The following HECTD4 variants were observed in gnomAD, a reference collection of about 807,000 sequenced individuals.
HECTD4 encodes probable E3 ubiquitin-protein ligase HECTD4.
In HECTD4, 114 loss-of-function variants were observed where a neutral mutation model predicts 471.5. The ratio of observed to expected loss-of-function variants is 0.24; its 90% confidence interval spans 0.21 to 0.28. HECTD4 has a LOEUF of 0.28. Ranked by LOEUF, HECTD4 falls within the 10% of genes least tolerant of loss-of-function variation. The probability of loss-of-function intolerance (pLI) is 1.00; values close to 1 mark genes in which losing one functional copy is unlikely to be tolerated. For synonymous variants in HECTD4, 2,012 were observed against 2,256.0 expected, an observed-to-expected ratio of 0.89 and a Z score of 3.07; for missense variants, 3,866 against 5,651.5, an observed-to-expected ratio of 0.68 and a Z score of 10.13.
At chr12:112,178,708 T>C (rs1041326049) in intron 64 of HECTD4, among the ~76,000 whole-genome samples, 2 of 152,224 alleles carry the variant, frequency 1.3e-5, no homozygotes, top group Non-Finnish European at 1.5e-5. Flanking sequence ...GTCATGTGCC[T>C]GTAGTCCCAG....
chr12:112,347,309 A>G (rs2036172108), intron 1 of HECTD4, among the ~76,000 whole-genome samples: 1 of 152,156 alleles, frequency 6.6e-6, no homozygotes, highest in African/African-American at 2.4e-5. Context: ...CGGGAGTTCA[A>G]GACCAGCCTG....
chr12:112,340,267 G>A (rs943731054), intron 1 of HECTD4, among the ~76,000 whole-genome samples: 11 of 152,190 alleles, frequency 7.2e-5, no homozygotes, highest in African/African-American at 2.4e-4. Context: ...TAGAGATGTG[G>A]CTCTATCACT....
chr12:112,205,213 A>C (rs956532594), intron 52 of HECTD4, among the ~76,000 whole-genome samples: 1 of 151,628 alleles, frequency 6.6e-6, no homozygotes, highest in African/African-American at 2.4e-5. Context: ...AGGTGGGTGG[A>C]TCACCTGAGG....
At chr12:112,374,254 A>G (rs1594085321) in intron 1 of HECTD4, among the ~76,000 whole-genome samples, 1 of 152,166 alleles carries the variant, frequency 6.6e-6, no homozygotes, top group Admixed American at 6.6e-5. Flanking sequence ...AAAGCACAGG[A>G]GTGTGAGGCT....
chr12:112,167,078 AG>A, intron 72 of HECTD4: 1 of 419,934 alleles, frequency 2.4e-6, no homozygotes, highest in South Asian at 5.0e-5. Flanking sequence ...CCAATGTGGG[AG>A]GGGAGGGCCA....
In HECTD4 at chr12:112,256,454, C is replaced by A. The variant is rs2034011307; in HGVS notation, c.3193G>T (p.Ala1065Ser). Residue 1065 changes from alanine (A) to serine (S), a missense_variant, in exon 21 of 76, where the codon GCT becomes TCT. Physicochemically the swap from Ala to Ser is moderately conservative, Grantham distance 99. Coordinates refer to ENST00000682272, the MANE Select transcript of HECTD4 (RefSeq NM_001388303.1). The stretch of plus-strand genomic sequence containing the variant: ...TGGACTGTTTCCACAGTCTTTCCAG[C>A]AGCCCATGGGGCAGGAATCTTTAAA... ...TGLKIPAPWAAGKTVETVHPV... is the reference protein window; with the variant it reads ...TGLKIPAPWASGKTVETVHPV... 2 of 1,611,734 alleles carry A rather than the reference C, an allele frequency of 1.2e-6. No individual in the cohort carries two copies. The highest frequency in any genetic ancestry group is 1.7e-5 in the Admixed American group (1 of 59,722).
intron 54 of HECTD4, chr12:112,203,056 TCCTCCCACCTTAG>T (rs2032473494): frequency 6.6e-6 from 1 of 152,120 alleles, no homozygotes; most frequent in Admixed American, 6.6e-5. Flanking sequence ...GCTGAAACGA[TCCTCCCACCTTAG>T]CCTCCCACAT....
chr12:112,202,795 C>T (rs1206340380), intron 54 of HECTD4, among the ~76,000 whole-genome samples: 2 of 152,154 alleles, frequency 1.3e-5, no homozygotes, highest in African/African-American at 2.4e-5. Flanking sequence ...TCTCACTCTG[C>T]CCCCTTCCCG....
intron 2 of HECTD4, among the ~76,000 whole-genome samples, chr12:112,318,120 CA>C (rs372211738): frequency 6.6e-6 from 1 of 151,606 alleles, no homozygotes. Flanking sequence ...ACTAAAAATA[CA>C]AAAAAATTAG....
In HECTD4 at chr12:112,188,951, C is replaced by G. The variant is rs2137034360; in HGVS notation, c.9472+1835G>C. On this transcript the variant is annotated intron_variant, in intron 60 of 75. Coordinates refer to ENST00000682272, the MANE Select transcript of HECTD4 (RefSeq NM_001388303.1). The surrounding 1 kb of genome is among the most constrained non-coding windows in gnomAD (Gnocchi z 4.2). ...AGACGACCTTGGAGAGAATTCTTCA[C>G]CAAAATTGCACATGACGGCCTATGC... Among the ~76,000 whole-genome samples, 1 of 152,344 alleles carries G rather than the reference C, an allele frequency of 6.6e-6. No homozygotes were observed. Among genetic ancestry groups the G allele is most frequent in the East Asian group, 1.9e-4 (1 of 5,184 alleles).
chr12:112,182,107 T>C (rs1397255248), intron 62 of HECTD4, among the ~76,000 whole-genome samples: 1 of 151,118 alleles, frequency 6.6e-6, no homozygotes, highest in East Asian at 1.9e-4. Flanking sequence ...AAAAAAAGAT[T>C]ACAATTTTAT....
chr12:112,283,039 AAGTGCTC>A, intron 8 of HECTD4, 64 bp downstream of exon 8: 1 of 1,259,414 alleles, frequency 7.9e-7, no homozygotes, highest in Non-Finnish European at 1.1e-6. Flanking sequence ...AGCACGGACG[AAGTGCTC>A]AATAAGACGT....
chr12:112,246,749 C>T (rs1300772927), intron 29 of HECTD4, among the ~76,000 whole-genome samples, 152 bp downstream of exon 29: 5 of 152,108 alleles, frequency 3.3e-5, no homozygotes, highest in Non-Finnish European at 5.9e-5. Context: ...AAGTATAAGG[C>T]AAAATTAAAT....
At chr12:112,182,503 C>T (rs1055626812) in intron 62 of HECTD4, among the ~76,000 whole-genome samples, 2 of 152,080 alleles carry the variant, frequency 1.3e-5, no homozygotes, top group Non-Finnish European at 2.9e-5. Flanking sequence ...CTGTTTCTTT[C>T]CCAGGAGTCA....
In HECTD4 at chr12:112,319,610, G is replaced by C; in HGVS notation, c.310C>G (p.Gln104Glu). The change falls in exon 2 of 76, where the codon CAG becomes GAG. Residue 104 changes from glutamine to glutamate, a missense_variant. Transcript: ENST00000682272. The surrounding 1 kb of genome is among the most constrained non-coding windows in gnomAD (Gnocchi z 5.3). ...LNALRGLWNAQRQLALEEQHE... is the reference protein window; with the variant it reads ...LNALRGLWNAERQLALEEQHE... ...TGTTCTTCTAAGGCCAGCTGGCGCT[G>C]GGCATTCCACAGTCCTCGCAAGGCA... is the stretch of plus-strand genomic sequence containing the variant. 1 of 1,420,320 alleles carries C rather than the reference G, an allele frequency of 7.0e-7. No homozygotes were observed. The highest frequency in any genetic ancestry group is 9.2e-7 in the Non-Finnish European group (1 of 1,091,706). The allele number at this position is 1,420,320 out of a possible 1,614,324, so 88.0% of individuals were successfully genotyped here. A position where few individuals can be genotyped will look rare whatever the true frequency, so the allele number is the denominator to read the frequency against.
intron 1 of HECTD4, among the ~76,000 whole-genome samples, chr12:112,374,590 T>A (rs1484933758): frequency 6.6e-6 from 1 of 152,244 alleles, no homozygotes; most frequent in African/African-American, 2.4e-5. Context: ...ATTAATTGCA[T>A]GGTAATCAAC....
Position 112,259,190 on chromosome 12 carries a change from C to A in HECTD4, c.2949G>T (p.Met983Ile), listed in dbSNP as rs141051796. The change falls in exon 19 of 76, where the codon ATG (methionine) becomes ATT (isoleucine). Residue 983 changes from methionine to isoleucine, a missense_variant. Transcript: ENST00000682272. ...HLLPVLLTSL[M>I]HPNLQTLIMA... ...TGATCAGAGTCTGTAAATTTGGATGCATCAAGGAGGTCAGTAACACTGGAA... is the reference window on the plus strand; with the variant it reads ...TGATCAGAGTCTGTAAATTTGGATGAATCAAGGAGGTCAGTAACACTGGAA... The A allele has an allele frequency of 2.0e-4, 330 of 1,613,748 alleles. 3 individuals carry two copies. Among genetic ancestry groups the A allele is most frequent in the Middle Eastern group, 1.6e-4 (1 of 6,084 alleles).
At position 112,184,464 on chromosome 12, in the gene HECTD4, G is replaced by C. The variant is rs772083831; in HGVS notation, c.10502C>G (p.Ser3501Cys). Residue 3501 changes from serine to cysteine, a missense_variant, in exon 61 of 76, where the codon TCC becomes TGC. This residue lies in a region of HECTD4 where 192 missense variants were observed against 189.9 expected (regional missense o/e 1.01). Transcript: ENST00000682272. The surrounding 1 kb of genome is among the most constrained non-coding windows in gnomAD (Gnocchi z 9.1). ...QASICSSQGI[S>C]QTVSDLSVDP... ...CACAGAGAGGTCGCTGACGGTTTGG[G>C]AGATGCCCTGCGAGCTGCAGATGGA... The C allele has an allele frequency of 6.2e-7, 1 of 1,606,486 alleles. No homozygotes were observed. Among genetic ancestry groups the C allele is most frequent in the Non-Finnish European group, 8.5e-7 (1 of 1,177,298 alleles).
In HECTD4 at chr12:112,258,146, G is replaced by A. The variant is rs188074309; in HGVS notation, c.3128+350C>T. On this transcript the variant is annotated intron_variant, in intron 20 of 75. Transcript: ENST00000682272. The stretch of plus-strand genomic sequence containing the variant: ...GGAGGTTGCAGTGAGCTGAGATTGC[G>A]CCACTGCACTCCAGCCTGGGTGACA... Among the ~76,000 whole-genome samples, 25 of 151,130 alleles carry A rather than the reference G, an allele frequency of 1.7e-4. 1 individual carries two copies. Among genetic ancestry groups the A allele is most frequent in the Admixed American group, 1.1e-3 (16 of 15,144 alleles).
Sources: allele counts gnomAD v4.1 joint callset (sites outside exome capture counted in the v4.1 genomes callset), GRCh38; gene constraint gnomAD v4.1.1; regional missense constraint gnomAD v4.1.1; non-coding constraint Gnocchi (gnomAD v3.1); transcripts MANE v1.5; gene names NCBI Gene and HGNC (gene_info 2026-07-23, HGNC 2026-07-21).